The following STX8 variants were observed in gnomAD, a reference collection of about 807,000 sequenced individuals.
STX8 encodes the protein syntaxin-8.
In STX8, 23 loss-of-function variants were observed where a neutral mutation model predicts 37.5. That is an observed-to-expected ratio of 0.61 (90% confidence interval 0.44 to 0.87). The LOEUF (loss-of-function observed/expected upper bound fraction) is 0.87, where lower values mean the gene tolerates loss of function less well. Ranked by LOEUF, STX8 falls within the 40% of genes least tolerant of loss-of-function variation. The pLI is 0.00. For missense variants in STX8, 313 were observed against 284.7 expected, an observed-to-expected ratio of 1.10 and a Z score of -0.71; for synonymous variants, 115 against 99.1, an observed-to-expected ratio of 1.16 and a Z score of -0.95.
chr17:9,468,849 G>A (rs73263584), intron 6 of STX8, among the ~76,000 whole-genome samples: 1,931 of 152,264 alleles, frequency 0.013, 47 homozygotes, highest in African/African-American at 0.044. Flanking sequence ...GGGGGCTGTC[G>A]TCAAAGCCAG....
intron 7 of STX8, among the ~76,000 whole-genome samples, chr17:9,297,053 C>G (rs1430638357): frequency 6.6e-6 from 1 of 152,066 alleles, no homozygotes; most frequent in Non-Finnish European, 1.5e-5. Flanking sequence ...TCATACAGGA[C>G]AGGTATGAGG....
In STX8 at chr17:9,430,944, C is replaced by T. The variant is rs1472741467; in HGVS notation, c.542-52291G>A. On this transcript the variant is annotated intron_variant, in intron 6 of 7. Transcript: ENST00000306357. ...GATTACAGGCGTGAGCCACTGCCCC[C>T]GGCCTTTGGCTTGTTTTTTAATAAA... is the stretch of plus-strand genomic sequence containing the variant. Among the ~76,000 whole-genome samples, 82 of 150,996 alleles carry T rather than the reference C, an allele frequency of 5.4e-4. 4 individuals carry two copies. Among genetic ancestry groups the T allele is most frequent in the Admixed American group, 5.0e-3 (76 of 15,192 alleles).
chr17:9,518,793 G>A (rs973821607), intron 4 of STX8, among the ~76,000 whole-genome samples: 7 of 151,802 alleles, frequency 4.6e-5, no homozygotes, highest in East Asian at 1.9e-4. Flanking sequence ...GCCTGAACCC[G>A]GAAGGCAGAG....
At chr17:9,356,960 GTTT>G (rs140965935) in intron 7 of STX8, among the ~76,000 whole-genome samples, 1,733 of 61,768 alleles carry the variant, frequency 0.028, 53 homozygotes, top group African/African-American at 0.099. Flanking sequence ...CCTTTTAACA[GTTT>G]TTTTTTTTTT....
intron 1 of STX8, among the ~76,000 whole-genome samples, chr17:9,573,658 T>C (rs1907779425): frequency 6.6e-6 from 1 of 152,210 alleles, no homozygotes; most frequent in African/African-American, 2.4e-5. Flanking sequence ...CTGAGACCTG[T>C]CTCAGATACT....
intron 7 of STX8, among the ~76,000 whole-genome samples, chr17:9,295,519 C>G (rs76609956): frequency 6.6e-6 from 1 of 152,124 alleles, no homozygotes; most frequent in Non-Finnish European, 1.5e-5. Flanking sequence ...CTGAGGCGGG[C>G]AAATCACGAG....
chr17:9,463,049 C>A (rs1282930449), intron 6 of STX8, among the ~76,000 whole-genome samples: 2 of 152,178 alleles, frequency 1.3e-5, no homozygotes, highest in Non-Finnish European at 2.9e-5. Flanking sequence ...GCTCCCTGGT[C>A]TTCTAAGAAG....
chr17:9,329,050 C>CAAAAAAAAAAAAAAAAAA (rs998679728), intron 7 of STX8, among the ~76,000 whole-genome samples: 1 of 28,010 alleles, frequency 3.6e-5, no homozygotes, highest in Non-Finnish European at 9.4e-5. Context: ...GATTCCATCT[C>CAAAAAAAAAAAAAAAAAA]AAAAAAAAAA....
rs115438843 is a variant in STX8 at position 9,506,136 on chromosome 17, G to A, written c.324-974C>T. ...GAGACCAGTTGGTCTCGCTGTCTAA[G>A]GAACAGGAAACACATGATTTCCACC... On this transcript the variant is annotated intron_variant, in intron 4 of 7. Transcript: ENST00000306357. Among the ~76,000 whole-genome samples the A allele has an allele frequency of 2.0e-5, 3 of 152,006 alleles. 1 individual carries two copies. The highest frequency in any genetic ancestry group is 7.2e-5 in the African/African-American group (3 of 41,420).
chr17:9,340,436 G>A (rs570453133), intron 7 of STX8, among the ~76,000 whole-genome samples: 20 of 152,228 alleles, frequency 1.3e-4, no homozygotes, highest in African/African-American at 4.3e-4. Context: ...GTTAAGTAAC[G>A]GGAATTTATA....
intron 6 of STX8, among the ~76,000 whole-genome samples, chr17:9,390,670 A>G (rs9912307): frequency 1.5e-5 from 2 of 131,370 alleles, no homozygotes; most frequent in East Asian, 4.7e-4. Context: ...TACTAAAAAT[A>G]CAAAAAAAAA....
chr17:9,350,759 C>T (rs995366135), intron 7 of STX8, among the ~76,000 whole-genome samples: 2 of 152,202 alleles, frequency 1.3e-5, no homozygotes, highest in African/African-American at 4.8e-5. Flanking sequence ...TCTCGAATGC[C>T]TGACCTCGGG....
chr17:9,304,914 C>T (rs1309391787), intron 7 of STX8, among the ~76,000 whole-genome samples: 10 of 126,842 alleles, frequency 7.9e-5, no homozygotes, highest in South Asian at 4.5e-4. Flanking sequence ...CATATATGGG[C>T]GAAAAAAAAA....
intron 2 of STX8, among the ~76,000 whole-genome samples, chr17:9,561,195 C>T (rs1251970205): frequency 2.8e-4 from 42 of 152,110 alleles, no homozygotes; most frequent in Admixed American, 2.5e-3. Context: ...TCCCCTCCCC[C>T]GTTAGAAAAG....
chr17:9,439,532 A>ATT (rs750040200), intron 6 of STX8, among the ~76,000 whole-genome samples: 4 of 131,114 alleles, frequency 3.1e-5, no homozygotes, highest in African/African-American at 5.3e-5. Context: ...CTGCCATATA[A>ATT]TTTTTTTTTT....
intron 7 of STX8, among the ~76,000 whole-genome samples, chr17:9,264,048 G>A (rs1351792348): frequency 6.6e-6 from 1 of 152,196 alleles, no homozygotes; most frequent in African/African-American, 2.4e-5. Flanking sequence ...TCAACTGCTA[G>A]AAGGCTGCCA....
intron 5 of STX8, among the ~76,000 whole-genome samples, chr17:9,500,797 T>C (rs1349051387): frequency 1.3e-5 from 2 of 152,034 alleles, no homozygotes; most frequent in Non-Finnish European, 2.9e-5. Flanking sequence ...GGTCAGGAGA[T>C]TGAGACCATC....
chr17:9,277,384 T>A (rs1287552283), intron 7 of STX8, among the ~76,000 whole-genome samples: 1 of 150,286 alleles, frequency 6.7e-6, no homozygotes, highest in Non-Finnish European at 1.5e-5. Flanking sequence ...AGGGTCTCAA[T>A]GAGTGAGGGC....
At chr17:9,378,722 G>GATACT in intron 6 of STX8, 69 bp from the exon 7 acceptor site, 12 of 1,185,546 alleles carry the variant, frequency 1.0e-5, no homozygotes, top group Non-Finnish European at 1.5e-5. Context: ...TCACAGCTGT[G>GATACT]GTTGTTCATC....
Sources: allele counts gnomAD v4.1 joint callset (sites outside exome capture counted in the v4.1 genomes callset), GRCh38; gene constraint gnomAD v4.1.1; transcripts MANE v1.5; gene names NCBI Gene and HGNC (gene_info 2026-07-23, HGNC 2026-07-21).